Variants in NCKAP5 observed in about 807,000 individuals in gnomAD.
NCKAP5 encodes the protein nck-associated protein 5.
NCKAP5 carries 92 observed loss-of-function variants against 167.0 expected under a neutral mutation model. The ratio of observed to expected loss-of-function variants is 0.55; its 90% CI spans 0.47 to 0.66. The LOEUF is 0.66. Among genes scored for constraint, NCKAP5 ranks in the 30% least tolerant of loss-of-function variants. NCKAP5 has a pLI of 0.00. For synonymous variants in NCKAP5, 891 were observed against 877.4 expected (o/e 1.02, Z -0.27); for missense variants, 2,378 against 2,315.0 (o/e 1.03, Z -0.56).
intron 5 of NCKAP5, among the ~76,000 whole-genome samples, chr2:133,143,757 T>A (rs1391433841): frequency 6.6e-6 from 1 of 151,896 alleles, no homozygotes; most frequent in African/African-American, 2.4e-5. Flanking sequence ...CCTTTTCACA[T>A]AGCTGCCACT....
At chr2:132,759,907 G>A (rs1026675218) in intron 16 of NCKAP5, among the ~76,000 whole-genome samples, 32 of 149,832 alleles carry the variant, frequency 2.1e-4, no homozygotes, top group African/African-American at 7.4e-4. Context: ...CTTTTGGTTT[G>A]TGTTTCTCCT....
intron 3 of NCKAP5, among the ~76,000 whole-genome samples, chr2:133,328,015 C>T (rs1345558239): frequency 6.6e-6 from 1 of 152,076 alleles, no homozygotes; most frequent in Middle Eastern, 3.2e-3. Flanking sequence ...TTGATCTAGA[C>T]CAAATACTCT....
At chr2:132,995,032 C>T (rs115610366) in intron 6 of NCKAP5, among the ~76,000 whole-genome samples, 12 of 152,170 alleles carry the variant, frequency 7.9e-5, no homozygotes, top group African/African-American at 2.6e-4. Flanking sequence ...CCACTTGCCA[C>T]GAATGGAGCT....
intron 6 of NCKAP5, among the ~76,000 whole-genome samples, chr2:133,009,088 T>C (rs1442160964): frequency 6.6e-6 from 1 of 152,182 alleles, no homozygotes; most frequent in Non-Finnish European, 1.5e-5. Flanking sequence ...CACTGAGGAC[T>C]CTTGCTAAAA....
At chr2:133,553,135 GC>G (rs1460690485) in intron 2 of NCKAP5, among the ~76,000 whole-genome samples, 1 of 152,172 alleles carries the variant, frequency 6.6e-6, no homozygotes, top group Non-Finnish European at 1.5e-5. Context: ...AAGTAAACGG[GC>G]AGGATATAAG....
the NCKAP5 span, among the ~76,000 whole-genome samples, chr2:133,582,781 T>C: frequency 1.1e-3 from 166 of 152,356 alleles, 1 homozygote; most frequent in Non-Finnish European, 9.4e-4. Context: ...AGTTTCCTGG[T>C]CCAGTCAACC....
At chr2:132,964,256 G>T (rs1378145053) in intron 7 of NCKAP5, among the ~76,000 whole-genome samples, 2 of 152,140 alleles carry the variant, frequency 1.3e-5, no homozygotes, top group Non-Finnish European at 2.9e-5. Flanking sequence ...CCTCAAGATA[G>T]GGTCATTAAA....
chr2:132,758,086 T>C (rs1680700029), intron 16 of NCKAP5, among the ~76,000 whole-genome samples: 1 of 152,218 alleles, frequency 6.6e-6, no homozygotes, highest in Non-Finnish European at 1.5e-5. Context: ...TATACTGCTT[T>C]TAGGCTGGCA....
chr2:132,732,990 C>G (rs567481108), intron 16 of NCKAP5, among the ~76,000 whole-genome samples: 5 of 152,320 alleles, frequency 3.3e-5, no homozygotes, highest in Non-Finnish European at 5.9e-5. Context: ...TCATCAATAA[C>G]GCTTTGGATT....
chr2:133,561,892 G>A (rs1332061901), intron 1 of NCKAP5, among the ~76,000 whole-genome samples: 1 of 152,042 alleles, frequency 6.6e-6, no homozygotes, highest in Non-Finnish European at 1.5e-5. Flanking sequence ...TAAAAATGAG[G>A]CAATAACTTT....
intron 5 of NCKAP5, among the ~76,000 whole-genome samples, chr2:133,138,381 G>C (rs1226441751): frequency 6.6e-6 from 1 of 151,952 alleles, no homozygotes; most frequent in African/African-American, 2.4e-5. Flanking sequence ...TTATCAACTA[G>C]GGCTACAAAT....
At chr2:133,421,657 C>T (rs1335586404) in intron 3 of NCKAP5, among the ~76,000 whole-genome samples, 1 of 152,210 alleles carries the variant, frequency 6.6e-6, no homozygotes, top group Non-Finnish European at 1.5e-5. Flanking sequence ...ATCTTCCCAG[C>T]CAGGATCCAA....
rs768161270 is a variant in NCKAP5, at chr2:133,445,856, C to T, written c.69+71602G>A. ...GTGACACCCCTGAAGAAAGCAACAA[C>T]AGCAACAAAAAATTAGCAATAATTC... On this transcript the variant is annotated intron_variant, in intron 3 of 19. Transcript: ENST00000409261. Among the ~76,000 whole-genome samples, 58 of 152,268 alleles carry T rather than the reference C, an allele frequency of 3.8e-4. 1 individual carries two copies. Among genetic ancestry groups the T allele is most frequent in the Middle Eastern group, 6.8e-3 (2 of 294 alleles).
At chr2:132,759,912 TCTC>T (rs952523954) in intron 16 of NCKAP5, among the ~76,000 whole-genome samples, 10 of 152,052 alleles carry the variant, frequency 6.6e-5, no homozygotes, top group Admixed American at 5.9e-4. Context: ...GGTTTGTGTT[TCTC>T]CTCCTTACTA....
intron 3 of NCKAP5, among the ~76,000 whole-genome samples, chr2:133,326,458 C>CAAAAAAAAAAA (rs34750625): frequency 4.1e-4 from 20 of 48,968 alleles, no homozygotes; most frequent in African/African-American, 1.2e-3. Context: ...TCAGTCTCAA[C>CAAAAAAAAAAA]AAAAAAAAAA....
At chr2:133,000,324 C>A (rs1440231022) in intron 6 of NCKAP5, among the ~76,000 whole-genome samples, 2 of 152,136 alleles carry the variant, frequency 1.3e-5, no homozygotes, top group African/African-American at 4.8e-5. Flanking sequence ...TAGAAAGAGG[C>A]AGGGGGAATG....
At chr2:132,994,619 G>A (rs1312536870) in intron 6 of NCKAP5, among the ~76,000 whole-genome samples, 1 of 152,076 alleles carries the variant, frequency 6.6e-6, no homozygotes, top group African/African-American at 2.4e-5. Context: ...ACATATTATA[G>A]GAATGCACTC....
chr2:133,025,360 A>C (rs1216845294), intron 6 of NCKAP5, among the ~76,000 whole-genome samples: 8 of 152,252 alleles, frequency 5.3e-5, no homozygotes. Context: ...CGGAGAAAGA[A>C]AAAGCTTCTA....
In NCKAP5 at chr2:133,409,646, C is replaced by A. The variant is rs147269703; in HGVS notation, c.70-106536G>T. On this transcript the variant is annotated intron_variant, in intron 3 of 19. Coordinates refer to ENST00000409261, the MANE Select transcript of NCKAP5 (RefSeq NM_207363.3). ...AGCCAAGGTTAGGGTTCGTCATGGG[C>A]TTTAGTTGTCTGAGAACACCCTAAA... Among the ~76,000 whole-genome samples the A allele has an allele frequency of 1.7e-4, 26 of 152,226 alleles. No homozygotes were observed. In the East Asian group the frequency reaches 4.4e-3, roughly 26 times the overall value.
Sources: allele counts gnomAD v4.1 joint callset (sites outside exome capture counted in the v4.1 genomes callset), GRCh38; gene constraint gnomAD v4.1.1; transcripts MANE v1.5; gene names NCBI Gene and HGNC (gene_info 2026-07-23, HGNC 2026-07-21).